Variants in MKRN1 observed in about 807,000 individuals in gnomAD.
MKRN1 encodes the protein E3 ubiquitin-protein ligase makorin-1.
A neutral mutation model predicts 55.5 loss-of-function variants in MKRN1; 9 were observed. The ratio of observed to expected loss-of-function variants is 0.16; its 90% CI spans 0.10 to 0.28. The LOEUF (loss-of-function observed/expected upper bound fraction) is 0.28, where lower values mean the gene tolerates loss of function less well. MKRN1 is among the 10% of genes least tolerant of loss of function. The pLI is 1.00. For missense variants in MKRN1, 488 were observed against 626.7 expected (o/e 0.78, Z 2.36); for synonymous variants, 253 against 235.9 (o/e 1.07, Z -0.66).
intron 1 of MKRN1, chr7:140,478,380 T>C (rs1239913772): frequency 6.6e-6 from 1 of 151,914 alleles, no homozygotes; most frequent in Non-Finnish European, 1.5e-5. Flanking sequence ...AAACCAAACC[T>C]CTCTCTCTTC....
chr7:140,459,256 T>C (rs374114177), intron 3 of MKRN1, 23 bp from the exon 4 acceptor site: 4 of 1,610,486 alleles, frequency 2.5e-6, no homozygotes, highest in African/African-American at 2.7e-5. Context: ...AAGAGGGTGG[T>C]AAAGGTCCAA....
Position 140,455,080 on chromosome 7 carries a change from A to C in MKRN1, c.1236+15T>G, listed in dbSNP as rs756474870. On this transcript the variant is annotated intron_variant, in intron 7 of 7. Transcript: ENST00000255977. The stretch of plus-strand genomic sequence containing the variant: ...CTTGGAATTTCCCCTCCTTTAAAAA[A>C]ACAGTGAGAGTTACCCGGTATCTGC... 2 of 1,612,606 alleles carry C rather than the reference A, an allele frequency of 1.2e-6. No homozygotes were observed. The highest frequency in any genetic ancestry group is 4.5e-5 in the East Asian group (2 of 44,836).
chr7:140,464,916 C>G (rs1042572573), intron 2 of MKRN1, among the ~76,000 whole-genome samples: 1 of 152,076 alleles, frequency 6.6e-6, no homozygotes, highest in South Asian at 2.1e-4. Flanking sequence ...TCAGTCTCCC[C>G]AGTAGCTGGG....
At position 140,454,336 on chromosome 7, in the gene MKRN1, A is replaced by T. The variant is rs1794407417; in HGVS notation, c.*181T>A. ...TTTTTGTAACTTTTTTCAACAGGGA[A>T]AACAACACACTCCTCAGGGAAAGGT... On this transcript the variant is annotated 3_prime_UTR_variant, in exon 8 of 8. Coordinates refer to ENST00000255977, the MANE Select transcript of MKRN1 (RefSeq NM_013446.4). The T allele has an allele frequency of 1.6e-6, 1 of 620,142 alleles. No homozygotes were observed. The highest frequency in any genetic ancestry group is 1.8e-5 in the African/African-American group (1 of 54,068). The allele number at this position is 620,142 out of a possible 1,614,324, so 38.4% of individuals were successfully genotyped here. A position where few individuals can be genotyped will look rare whatever the true frequency, so the allele number is the denominator to read the frequency against.
At chr7:140,478,592 C>T (rs1190402344) in intron 1 of MKRN1, 8 of 152,246 alleles carry the variant, frequency 5.3e-5, no homozygotes, top group African/African-American at 1.9e-4. Context: ...ACAAAAGCTT[C>T]TTCTCACAGT....
In MKRN1 at chr7:140,453,593, C is replaced by T. The variant is rs1441645368; in HGVS notation, c.*924G>A. On this transcript the variant is annotated 3_prime_UTR_variant, in exon 8 of 8. Coordinates refer to ENST00000255977, the MANE Select transcript of MKRN1 (RefSeq NM_013446.4). ...AGTTTGTGTTATTATATGGGATAAC[C>T]AGGTAGTTTTAACCTCTATGGCTAA... 1.3e-5 allele frequency: 2 copies of T among 152,478 alleles called. No individual in the cohort carries two copies. The highest frequency in any genetic ancestry group is 2.9e-5 in the Non-Finnish European group (2 of 68,044). The allele number at this position is 152,478 out of a possible 1,614,324, so 9.4% of individuals were successfully genotyped here.
chr7:140,468,008 A>C (rs977732321), intron 2 of MKRN1, among the ~76,000 whole-genome samples: 1 of 151,842 alleles, frequency 6.6e-6, no homozygotes, highest in Admixed American at 6.6e-5. Context: ...GTCTCAAAAA[A>C]AAAAAAAAAA....
rs192420257 is a variant in MKRN1 at position 140,468,329 on chromosome 7, T to C, written c.314+3554A>G. On this transcript the variant is annotated intron_variant, in intron 2 of 7. Coordinates refer to ENST00000255977, the MANE Select transcript of MKRN1 (RefSeq NM_013446.4). ...TCAATACCTGCAGAGACTATACCAC[T>C]ACAAAGATTCGTCCATTCACCATTG... Among the ~76,000 whole-genome samples, 10 of 152,230 alleles carry C rather than the reference T, an allele frequency of 6.6e-5. No homozygotes were observed. The East Asian group carries it at 1.7e-3, about 26-fold the overall frequency.
intron 1 of MKRN1, among the ~76,000 whole-genome samples, chr7:140,476,265 G>T (rs867052976): frequency 6.6e-6 from 1 of 151,936 alleles, no homozygotes; most frequent in African/African-American, 2.4e-5. Context: ...ACCTAATATT[G>T]TGTCTCCCAT....
Position 140,479,159 on chromosome 7 carries a change from C to T in MKRN1, c.185+1G>A, listed in dbSNP as rs1176789228. 7.1e-7 allele frequency: 1 copy of T among 1,413,684 alleles called. No individual in the cohort carries two copies. Among genetic ancestry groups the T allele is most frequent in the Non-Finnish European group, 9.2e-7 (1 of 1,085,710 alleles). 87.6% of individuals were successfully genotyped at this position (1,413,684 alleles called of 1,614,324 possible). A position where few individuals can be genotyped will look rare whatever the true frequency, so the allele number is the denominator to read the frequency against. Reference sequence around the variant, plus strand: ...CGGCGCTCCGCCGCGCAACGTCCTACCTGCAGGTGACCTGTTTAGTCCAGC... The same window carrying T: ...CGGCGCTCCGCCGCGCAACGTCCTATCTGCAGGTGACCTGTTTAGTCCAGC... On this transcript the variant is annotated splice_donor_variant, in intron 1 of 7. Transcript: ENST00000255977. LOFTEE classifies it high-confidence loss of function.
At chr7:140,473,988 GTCTCAAAAAAAAAAAAA>G (rs1350020352) in intron 1 of MKRN1, among the ~76,000 whole-genome samples, 1 of 63,180 alleles carries the variant, frequency 1.6e-5, no homozygotes, top group Admixed American at 1.8e-4. Context: ...GCGAAACTCC[GTCTCAAAAAAAAAAAAA>G]AAAGAAAGAA....
rs1585507076 is a variant in MKRN1 at position 140,479,255 on chromosome 7, C to A, written c.90G>T (p.Pro30=). ...GGGACGGGGCGGTGACTGTGGGGAT[C>A]GGGGTGGGGGAGGCTGCTGCCGCCG... ...AATAAAASPT[P]IPTVTAPSLG... is the part of the protein sequence containing the mutation. Residue 30 remains proline (P), a synonymous_variant, in exon 1 of 8, where the codon CCG becomes CCT. Transcript: ENST00000255977. 2.1e-6 allele frequency: 3 copies of A among 1,419,112 alleles called. No individual in the cohort carries two copies. The South Asian group carries it at 4.5e-5, about 21-fold the overall frequency. 87.9% of individuals were successfully genotyped at this position (1,419,112 alleles called of 1,614,324 possible). A position where few individuals can be genotyped will look rare whatever the true frequency, so the allele number is the denominator to read the frequency against.
chr7:140,455,201 C>G lies in MKRN1; in HGVS notation c.1130G>C (p.Arg377Pro). 1 of 1,614,080 alleles carries G rather than the reference C, an allele frequency of 6.2e-7. No individual in the cohort carries two copies. Among genetic ancestry groups the G allele is most frequent in the Middle Eastern group, 1.6e-4 (1 of 6,062 alleles). ...GTTCCCTCCAAATGGGCAGCTCCCACGTCCTTCATCAAAATACCTGCACGC... is the reference window on the plus strand; with the variant it reads ...GTTCCCTCCAAATGGGCAGCTCCCAGGTCCTTCATCAAAATACCTGCACGC... ...NKACRYFDEGRGSCPFGGNCF... is the reference protein window; with the variant it reads ...NKACRYFDEGPGSCPFGGNCF... The change falls in exon 7 of 8, where the codon CGT (arginine) becomes CCT (proline). Residue 377 changes from arginine (R) to proline (P), a missense_variant. This residue lies in a region of MKRN1 where 278 missense variants were observed against 406.7 expected (regional missense o/e 0.68). Transcript: ENST00000255977.
rs540486305 is a variant in MKRN1, at chr7:140,454,281, C to T, written c.*236G>A. On this transcript the variant is annotated 3_prime_UTR_variant, in exon 8 of 8. Transcript: ENST00000255977. Reference sequence around the variant, plus strand: ...ACACTAACTGTCTGACAGTTAAATTCGTGTTACAAAAAACTAACTTTAAGA... The same window carrying T: ...ACACTAACTGTCTGACAGTTAAATTTGTGTTACAAAAAACTAACTTTAAGA... 1.3e-5 allele frequency: 7 copies of T among 544,472 alleles called. No individual in the cohort carries two copies. Among genetic ancestry groups the T allele is most frequent in the South Asian group, 8.4e-5 (4 of 47,596 alleles). 33.7% of individuals were successfully genotyped at this position (544,472 alleles called of 1,614,324 possible).
intron 2 of MKRN1, 55 bp downstream of exon 2, chr7:140,471,828 C>G: frequency 6.3e-7 from 1 of 1,592,118 alleles, no homozygotes; most frequent in East Asian, 2.2e-5. Flanking sequence ...AGAAGTATGT[C>G]TTTTACCTTT....
intron 2 of MKRN1, among the ~76,000 whole-genome samples, chr7:140,465,907 C>A (rs1338888085): frequency 6.6e-6 from 1 of 152,060 alleles, no homozygotes; most frequent in Non-Finnish European, 1.5e-5. Context: ...TGGTGAAACC[C>A]TGTCTTTACT....
At chr7:140,455,356 A>C (rs892294170) in intron 6 of MKRN1, 123 bp from the exon 7 acceptor site, 12 of 1,221,094 alleles carry the variant, frequency 9.8e-6, no homozygotes, top group Non-Finnish European at 1.4e-5. Context: ...GCCCTCCCCA[A>C]GATGTGTTCT....
In MKRN1 at chr7:140,455,004, C is replaced by T. The variant is rs1794426426; in HGVS notation, c.1236+91G>A. 39 of 1,527,948 alleles carry T rather than the reference C, an allele frequency of 2.6e-5. 1 individual carries two copies. Among genetic ancestry groups the T allele is most frequent in the South Asian group, 2.4e-4 (20 of 83,484 alleles). The allele number at this position is 1,527,948 out of a possible 1,614,324, so 94.6% of individuals were successfully genotyped here. A position where few individuals can be genotyped will look rare whatever the true frequency, so the allele number is the denominator to read the frequency against. On this transcript the variant is annotated intron_variant, in intron 7 of 7. Transcript: ENST00000255977. ...CTACACTTTCGCTCCCAGACCTGAG[C>T]GTTAACCTTCTCCTTCCCCTACCCC...
In MKRN1 at chr7:140,455,808, T is replaced by G; in HGVS notation, c.1079A>C (p.Lys360Thr). The stretch of plus-strand genomic sequence containing the variant: ...CTCATACCTCATTGCCTCCTTGTAT[T>G]TCAGAATGAGTTTCTGCTTCTCTTC... ...EKEEKQKLIL[K>T]YKEAMSNKAC... Residue 360 changes from lysine to threonine, a missense_variant, in exon 6 of 8, where the codon AAA becomes ACA. Lys to Thr is a moderately conservative substitution (Grantham distance 78). Coordinates refer to ENST00000255977, the MANE Select transcript of MKRN1 (RefSeq NM_013446.4). The G allele has an allele frequency of 3.1e-6, 5 of 1,613,158 alleles. No homozygotes were observed. Among genetic ancestry groups the G allele is most frequent in the Non-Finnish European group, 4.2e-6 (5 of 1,179,342 alleles).
Sources: allele counts gnomAD v4.1 joint callset (sites outside exome capture counted in the v4.1 genomes callset), GRCh38; gene constraint gnomAD v4.1.1; regional missense constraint gnomAD v4.1.1; transcripts MANE v1.5; gene names NCBI Gene and HGNC (gene_info 2026-07-23, HGNC 2026-07-21).